LGALS9: variants seen among roughly 807,000 people sequenced by gnomAD.
LGALS9 encodes the protein galectin-9.
In LGALS9, 26 loss-of-function variants were observed where a neutral mutation model predicts 35.9. The ratio of observed to expected loss-of-function variants is 0.72; its 90% confidence interval spans 0.53 to 1.01. The LOEUF (loss-of-function observed/expected upper bound fraction) is 1.01. Ranked by LOEUF, LGALS9 falls within the 50% of genes least tolerant of loss-of-function variation. The probability of loss-of-function intolerance (pLI) is 0.00; values close to 1 mark genes in which losing one functional copy is unlikely to be tolerated. For synonymous variants in LGALS9, 149 were observed against 172.2 expected (o/e 0.87, Z 1.06); for missense variants, 347 against 445.8 (o/e 0.78, Z 1.99).
Position 27,636,405 on chromosome 17 carries a change from T to C in LGALS9, c.40-1858T>C, listed in dbSNP as rs71372335. On this transcript the variant is annotated intron_variant, in intron 1 of 10. Coordinates refer to ENST00000395473, the MANE Select transcript of LGALS9 (RefSeq NM_009587.3). ...CGCTTGCTTCCTTCCCACCCTCAGA[T>C]ATGTGGAAGCAAATCCAAAGATACC... 3.3e-5 allele frequency among the ~76,000 whole-genome samples: 5 copies of C among 152,290 alleles called. No homozygotes were observed. In the East Asian group the frequency reaches 7.7e-4, roughly 23 times the overall value.
intron 5 of LGALS9, 193 bp from the exon 6 acceptor site, chr17:27,645,121 A>AT (rs1904833724): frequency 9.1e-7 from 1 of 1,098,994 alleles, no homozygotes; most frequent in African/African-American, 1.6e-5. Context: ...CCCCAACCCC[A>AT]AAGCCCTGTA....
intron 1 of LGALS9, among the ~76,000 whole-genome samples, chr17:27,632,846 T>C (rs80039903): frequency 0.015 from 2,212 of 152,302 alleles, 27 homozygotes; most frequent in African/African-American, 0.036. Flanking sequence ...GTTGGGACAA[T>C]TAAGCCTCAC....
Position 27,647,102 on chromosome 17 carries a change from C to G in LGALS9, c.742C>G (p.Leu248Val). 6.2e-7 allele frequency: 1 copy of G among 1,614,186 alleles called. No individual in the cohort carries two copies. Among genetic ancestry groups the G allele is most frequent in the Non-Finnish European group, 8.5e-7 (1 of 1,180,030 alleles). ...SKSILLSGTV[L>V]PSAQRFHINL... ...GTCCATCCTCCTGTCAGGCACTGTC[C>G]TGCCCAGTGCTCAGAGGTAAGCCAA... The change falls in exon 9 of 11, where the codon CTG (leucine) becomes GTG (valine). Residue 248 changes from leucine (L) to valine (V), a missense_variant. Leu to Val is a conservative substitution (Grantham distance 32). Coordinates refer to ENST00000395473, the MANE Select transcript of LGALS9 (RefSeq NM_009587.3).
chr17:27,643,685 G>A (rs1904701763), intron 5 of LGALS9, 65 bp downstream of exon 5: 3 of 1,515,018 alleles, frequency 2.0e-6, no homozygotes, highest in Non-Finnish European at 2.6e-6. Context: ...GGTCTGAGAG[G>A]CTGGCCCCAG....
chr17:27,648,817 C>T lies in LGALS9; in HGVS notation c.922-19C>T, dbSNP rs182665682. The T allele has an allele frequency of 1.4e-3, 2,230 of 1,613,340 alleles. 10 individuals carry two copies. The highest frequency in any genetic ancestry group is 9.1e-3 in the African/African-American group (684 of 74,810). Reference sequence around the variant, plus strand: ...GAGGACTTCCCAAGTGTAGTGCAAACGGCATGATCTCTGCACAGGTGTGGA... The same window carrying T: ...GAGGACTTCCCAAGTGTAGTGCAAATGGCATGATCTCTGCACAGGTGTGGA... On this transcript the variant is annotated intron_variant, in intron 10 of 10. Coordinates refer to ENST00000395473, the MANE Select transcript of LGALS9 (RefSeq NM_009587.3).
intron 4 of LGALS9, 117 bp from the exon 5 acceptor site, chr17:27,643,408 C>T (rs1267862607): frequency 2.0e-6 from 3 of 1,506,798 alleles, no homozygotes; most frequent in African/African-American, 2.8e-5. Context: ...CCCTAACCCC[C>T]TTGCCTCATC....
At chr17:27,641,591 G>A (rs1259520396) in intron 3 of LGALS9, among the ~76,000 whole-genome samples, 2 of 152,132 alleles carry the variant, frequency 1.3e-5, no homozygotes, top group African/African-American at 4.8e-5. Context: ...CCAAGGTGAT[G>A]GGTTGATCTC....
intron 1 of LGALS9, among the ~76,000 whole-genome samples, chr17:27,635,728 G>T (rs181380951): frequency 6.6e-6 from 1 of 152,146 alleles, no homozygotes. Flanking sequence ...AGTGGAGGCC[G>T]CATGCTTCCC....
Position 27,649,008 on chromosome 17 carries a change from G to A in LGALS9, c.*26G>A, listed in dbSNP as rs1233407680. On this transcript the variant is annotated 3_prime_UTR_variant, in exon 11 of 11. Transcript: ENST00000395473. ...GCGGCTTCCTGGCCCTGGGGCCGGGGGCTGGGGTGTGGGGCAGTCTGGGTC... is the reference window on the plus strand; with the variant it reads ...GCGGCTTCCTGGCCCTGGGGCCGGGAGCTGGGGTGTGGGGCAGTCTGGGTC... 1 of 1,613,632 alleles carries A rather than the reference G, an allele frequency of 6.2e-7. No homozygotes were observed. The highest frequency in any genetic ancestry group is 1.3e-5 in the African/African-American group (1 of 74,890).
chr17:27,647,496 G>C (rs1443334718), intron 10 of LGALS9, 64 bp downstream of exon 10: 1 of 1,594,568 alleles, frequency 6.3e-7, no homozygotes, highest in Non-Finnish European at 8.5e-7. Flanking sequence ...GGGGGTAAAG[G>C]AGGTTTGAGG....
intron 1 of LGALS9, among the ~76,000 whole-genome samples, chr17:27,636,059 A>T (rs866478160): frequency 2.0e-5 from 3 of 152,166 alleles, no homozygotes; most frequent in African/African-American, 7.2e-5. Context: ...CCTCAAATCC[A>T]TGGGGAGCAG....
At chr17:27,632,004 G>A (rs1224697420) in intron 1 of LGALS9, among the ~76,000 whole-genome samples, 1 of 152,032 alleles carries the variant, frequency 6.6e-6, no homozygotes, top group Non-Finnish European at 1.5e-5. Context: ...CCTGCAGCGT[G>A]GGGTCAGAGG....
At position 27,643,863 on chromosome 17, in the gene LGALS9, G is replaced by A. The variant is rs564127852; in HGVS notation, c.540+243G>A. Among the ~76,000 whole-genome samples, 9 of 152,234 alleles carry A rather than the reference G, an allele frequency of 5.9e-5. No individual in the cohort carries two copies. The South Asian group carries it at 1.7e-3, about 28-fold the overall frequency. On this transcript the variant is annotated intron_variant, in intron 5 of 10. Transcript: ENST00000395473. ...AACGTGTCTCCCTCCTGAAGCCACC[G>A]ATGTGGTCCAGGCCTCTGGGATTCC... is the stretch of plus-strand genomic sequence containing the variant.
At chr17:27,634,832 C>T (rs1424208312) in intron 1 of LGALS9, among the ~76,000 whole-genome samples, 2 of 152,154 alleles carry the variant, frequency 1.3e-5, no homozygotes, top group East Asian at 3.9e-4. Context: ...GGGGGGTGGC[C>T]CACTGGTAAC....
At chr17:27,647,181 C>T (rs1905016217) in intron 9 of LGALS9, 63 bp downstream of exon 9, 4 of 1,613,946 alleles carry the variant, frequency 2.5e-6, no homozygotes, top group Non-Finnish European at 3.4e-6. Context: ...TCCAGCCATT[C>T]CCCTGGCTTC....
chr17:27,636,914 T>C (rs1335795016), intron 1 of LGALS9, among the ~76,000 whole-genome samples: 1 of 152,184 alleles, frequency 6.6e-6, no homozygotes, highest in Non-Finnish European at 1.5e-5. Flanking sequence ...AATCACTGCT[T>C]AGCACGGAGT....
At chr17:27,635,063 CT>C (rs1328860392) in intron 1 of LGALS9, among the ~76,000 whole-genome samples, 1 of 152,142 alleles carries the variant, frequency 6.6e-6, no homozygotes, top group Non-Finnish European at 1.5e-5. Context: ...TGTCAGAGGA[CT>C]TTTAAGCTCT....
At chr17:27,638,069 C>G (rs1272430352) in intron 1 of LGALS9, among the ~76,000 whole-genome samples, 194 bp from the exon 2 acceptor site, 3 of 152,046 alleles carry the variant, frequency 2.0e-5, no homozygotes, top group African/African-American at 7.2e-5. Flanking sequence ...GTCTGAGTAA[C>G]TAATTGGATT....
intron 3 of LGALS9, among the ~76,000 whole-genome samples, chr17:27,641,739 TGAG>T (rs1904515703): frequency 6.6e-6 from 1 of 152,034 alleles, no homozygotes; most frequent in South Asian, 2.1e-4. Flanking sequence ...TTTGGGAGGC[TGAG>T]GAGGGCGGAT....
Sources: gnomAD v4.1 joint callset for allele counts (sites outside exome capture counted in the v4.1 genomes callset) on GRCh38, gnomAD v4.1.1 for gene constraint, MANE v1.5 for transcripts, NCBI Gene and HGNC (gene_info 2026-07-23, HGNC 2026-07-21) for gene names.